The following TSBP1 variants were observed in gnomAD, a reference collection of about 807,000 sequenced individuals.
TSBP1 encodes the protein testis expressed basic protein 1, also known as testis-expressed basic protein 1.
TSBP1 carries 56 observed loss-of-function variants against 68.8 expected under a neutral mutation model. That is an observed-to-expected ratio of 0.81 (90% CI 0.66 to 1.02). The LOEUF (loss-of-function observed/expected upper bound fraction) is 1.02, where lower values mean the gene tolerates loss of function less well. Ranked by LOEUF, TSBP1 falls within the 50% of genes least tolerant of loss-of-function variation. The probability of loss-of-function intolerance (pLI) is 0.00; values close to 1 mark genes in which losing one functional copy is unlikely to be tolerated. For missense variants in TSBP1, 502 were observed against 641.2 expected (o/e 0.78, Z 2.34); for synonymous variants, 171 against 208.7 (o/e 0.82, Z 1.56).
chr6:32,305,315 C>T (rs1311703446), intron 19 of TSBP1, among the ~76,000 whole-genome samples: 1 of 152,130 alleles, frequency 6.6e-6, no homozygotes, highest in Non-Finnish European at 1.5e-5. Flanking sequence ...CACCTGGACC[C>T]ATTTAGATTA....
chr6:32,293,123 C>A, exon 23 of TSBP1: 1 of 1,598,084 alleles, frequency 6.3e-7, no homozygotes. Context: ...GTTTTTGTCA[C>A]CTTTTTCTTT....
At chr6:32,348,756 CAT>C in intron 9 of TSBP1, among the ~76,000 whole-genome samples, 1 of 152,210 alleles carries the variant, frequency 6.6e-6, no homozygotes, top group Non-Finnish European at 1.5e-5. Flanking sequence ...ATTTTTTCCT[CAT>C]GTGTAATATC....
chr6:32,323,179 A>G, intron 17 of TSBP1, 42 bp from the exon 19 acceptor site: 1 of 1,361,534 alleles, frequency 7.3e-7, no homozygotes, highest in Non-Finnish European at 1.0e-6. Flanking sequence ...TCTTTGAAAG[A>G]AACAAGGTTC....
rs9279570 is a variant in TSBP1 at position 32,308,597 on chromosome 6, C to CAAAAAAA, written c.581-5975_581-5969dup. Among the ~76,000 whole-genome samples the CAAAAAAA allele has an allele frequency of 3.1e-3, 337 of 108,350 alleles. 2 individuals are homozygous for CAAAAAAA. The highest frequency in any genetic ancestry group is 4.8e-3 in the African/African-American group (128 of 26,458). The allele number at this position is 108,350 out of a possible 152,430, so 71.1% of individuals were successfully genotyped here. On this transcript the variant is annotated intron_variant, in intron 19 of 22. Transcript: ENST00000612031. ...TGTGCGACAGAGCGAGACTCCGTCT[C>CAAAAAAA]AAAAAAAAAAAAAAAAAAATTTTGC...
At position 32,368,830 on chromosome 6, in the gene TSBP1, G is replaced by A; in HGVS notation, c.101-16C>T. 2.5e-6 allele frequency: 4 copies of A among 1,586,392 alleles called. No individual in the cohort carries two copies. Among genetic ancestry groups the A allele is most frequent in the Non-Finnish European group, 3.4e-6 (4 of 1,162,364 alleles). On this transcript the variant is annotated splice_polypyrimidine_tract_variant and intron_variant, in intron 2 of 22. Coordinates refer to ENST00000612031, the Ensembl canonical transcript of TSBP1. ...ATATACATTTCTGTGGAAGAATTAG[G>A]CAAAATGTTTTTATTAGTTACTTAG...
intron 1 of TSBP1, among the ~76,000 whole-genome samples, chr6:32,370,425 A>G (rs201062738): frequency 0.13 from 18,497 of 144,762 alleles, 1,921 homozygotes; most frequent in Middle Eastern, 0.31. Flanking sequence ...ATATATATAT[A>G]TATATATATA....
chr6:32,359,497 G>GT (rs879915179), intron 6 of TSBP1, among the ~76,000 whole-genome samples: 2 of 152,020 alleles, frequency 1.3e-5, no homozygotes, highest in South Asian at 2.1e-4. Context: ...GGGGTTGTTT[G>GT]TTTTTTTCTT....
Position 32,316,276 on chromosome 6 carries a change from T to C in TSBP1, c.560-484A>G, listed in dbSNP as rs1766940663. On this transcript the variant is annotated intron_variant, in intron 18 of 22. Coordinates refer to ENST00000612031, the Ensembl canonical transcript of TSBP1. This position sits in a 1 kb window ranked among gnomAD's most constrained non-coding sequence, Gnocchi z 4.5. ...GTGTTTAAAAAGATTCTCTGTAATA[T>C]AGACCATGTAGGGTAATAAGGAAGC... 6 of 752,166 alleles carry C rather than the reference T, an allele frequency of 8.0e-6. No individual in the cohort carries two copies. The South Asian group carries it at 9.4e-5, about 12-fold the overall frequency. The allele number at this position is 752,166 out of a possible 1,614,324, so 46.6% of individuals were successfully genotyped here.
intron 19 of TSBP1, among the ~76,000 whole-genome samples, chr6:32,312,650 C>G (rs933636265): frequency 5.9e-5 from 9 of 152,214 alleles, no homozygotes; most frequent in African/African-American, 2.2e-4. Flanking sequence ...TAAATCTGCT[C>G]TTCTCCACTA....
intron 18 of TSBP1, 106 bp downstream of exon 19, chr6:32,323,011 G>T (rs569294130): frequency 9.9e-6 from 8 of 811,792 alleles, no homozygotes; most frequent in Admixed American, 2.4e-5. Context: ...GGGCAAGCAG[G>T]GTAATAAGGA....
At chr6:32,299,801 T>A (rs758697765) in intron 22 of TSBP1, 121 bp downstream of exon 25, 5 of 787,288 alleles carry the variant, frequency 6.4e-6, no homozygotes, top group Non-Finnish European at 1.1e-5. Flanking sequence ...TTCTGGAAGA[T>A]AGGAACATTC....
chr6:32,339,018 A>G lies in TSBP1; in HGVS notation c.389-19T>C. 6.2e-7 allele frequency: 1 copy of G among 1,609,368 alleles called. No homozygotes were observed. The highest frequency in any genetic ancestry group is 8.5e-7 in the Non-Finnish European group (1 of 1,176,698). ...GTTCTGGCTAAAATACAAACAAAAA[A>G]GGTGAGTTTGAAGAGAGCATGACTC... On this transcript the variant is annotated intron_variant, in intron 10 of 22. Coordinates refer to ENST00000612031, the Ensembl canonical transcript of TSBP1.
exon 9 of TSBP1, chr6:32,349,804 C>T: frequency 6.2e-7 from 1 of 1,608,648 alleles, no homozygotes. Context: ...CTGTTTGTCC[C>T]AGGGAGAACT....
At chr6:32,367,571 T>C (rs1256281098) in intron 4 of TSBP1, among the ~76,000 whole-genome samples, 1 of 152,220 alleles carries the variant, frequency 6.6e-6, no homozygotes, top group Non-Finnish European at 1.5e-5. Context: ...TCTTCTACTG[T>C]ATGGCTTTCA....
At chr6:32,331,068 C>A (rs1768961331) in intron 15 of TSBP1, among the ~76,000 whole-genome samples, 1 of 152,210 alleles carries the variant, frequency 6.6e-6, no homozygotes, top group Middle Eastern at 3.2e-3. Flanking sequence ...TTTCACTGCA[C>A]TGCTGCTGTA....
At position 32,306,748 on chromosome 6, in the gene TSBP1, C is replaced by T. The variant is rs543689622; in HGVS notation, c.581-4119G>A. On this transcript the variant is annotated intron_variant, in intron 19 of 22. Coordinates refer to ENST00000612031, the Ensembl canonical transcript of TSBP1. The surrounding 1 kb of genome is among the most constrained non-coding windows in gnomAD (Gnocchi z 5.1). ...TCCCTCCCTCCCTCCTTCTCTCCTT[C>T]CCTTCCTTCTGGTTTTCTTTCCTTC... Among the ~76,000 whole-genome samples, 70 of 152,142 alleles carry T rather than the reference C, an allele frequency of 4.6e-4. 2 individuals carry two copies. The South Asian group carries it at 0.012, about 25-fold the overall frequency.
In TSBP1 at chr6:32,335,472, G is replaced by T; in HGVS notation, c.452-15C>A. 1 of 1,452,370 alleles carries T rather than the reference G, an allele frequency of 6.9e-7. No homozygotes were observed. The highest frequency in any genetic ancestry group is 9.2e-7 in the Non-Finnish European group (1 of 1,090,032). The allele number at this position is 1,452,370 out of a possible 1,614,324, so 90.0% of individuals were successfully genotyped here. A position where few individuals can be genotyped will look rare whatever the true frequency, so the allele number is the denominator to read the frequency against. On this transcript the variant is annotated splice_polypyrimidine_tract_variant and intron_variant, in intron 13 of 22. Transcript: ENST00000612031. The surrounding 1 kb of genome is among the most constrained non-coding windows in gnomAD (Gnocchi z 5.5). ...TTGAGAGAGCTCTAAAAAAAAAAGAGAAAAGAAATCAGTAGCTATATATAT... is the reference window on the plus strand; with the variant it reads ...TTGAGAGAGCTCTAAAAAAAAAAGATAAAAGAAATCAGTAGCTATATATAT...
chr6:32,302,521 C>A lies in TSBP1; in HGVS notation c.601+88G>T. ...CAAAAACCCAGCAAACAAAAACAAA[C>A]ATAAAACATTAAAAACATTTGTAGA... On this transcript the variant is annotated intron_variant, in intron 20 of 22. Coordinates refer to ENST00000612031, the Ensembl canonical transcript of TSBP1. This position sits in a 1 kb window ranked among gnomAD's most constrained non-coding sequence, Gnocchi z 5.1. 1 of 897,818 alleles carries A rather than the reference C, an allele frequency of 1.1e-6. No homozygotes were observed. The highest frequency in any genetic ancestry group is 1.4e-5 in the South Asian group (1 of 70,838). The allele number at this position is 897,818 out of a possible 1,614,324, so 55.6% of individuals were successfully genotyped here.
At chr6:32,310,455 CTCT>C (rs1766267218) in intron 19 of TSBP1, among the ~76,000 whole-genome samples, 1 of 151,814 alleles carries the variant, frequency 6.6e-6, no homozygotes, top group Non-Finnish European at 1.5e-5. Flanking sequence ...CTATTTACAG[CTCT>C]TCTTTTTCAT....
Sources: allele counts gnomAD v4.1 joint callset (sites outside exome capture counted in the v4.1 genomes callset), GRCh38; gene constraint gnomAD v4.1.1; non-coding constraint Gnocchi (gnomAD v3.1); transcripts MANE v1.5; gene names NCBI Gene and HGNC (gene_info 2026-07-23, HGNC 2026-07-21).